HDAC9: variants seen among roughly 807,000 people sequenced by gnomAD.
HDAC9 encodes histone deacetylase 9, also known as MEF-2 interacting transcription repressor (MITR) protein.
HDAC9 carries 41 observed loss-of-function variants against 139.4 expected under a neutral mutation model. The ratio of observed to expected loss-of-function variants is 0.29; its 90% CI spans 0.23 to 0.38. The LOEUF (loss-of-function observed/expected upper bound fraction) is 0.38, where lower values mean the gene tolerates loss of function less well. Ranked by LOEUF, HDAC9 falls within the 10% of genes least tolerant of loss-of-function variation. HDAC9 has a pLI of 1.00. For missense variants in HDAC9, 1,147 were observed against 1,297.0 expected (o/e 0.88, Z 1.78); for synonymous variants, 517 against 476.2 (o/e 1.09, Z -1.12).
chr7:18,404,766 A>G (rs1202089941), intron 1 of HDAC9, among the ~76,000 whole-genome samples: 5 of 152,240 alleles, frequency 3.3e-5, no homozygotes, highest in Non-Finnish European at 5.9e-5. Context: ...GGTCACAAAA[A>G]TCACCAAACT....
chr7:18,428,140 G>A (rs1377795483), intron 1 of HDAC9, among the ~76,000 whole-genome samples: 2 of 152,102 alleles, frequency 1.3e-5, no homozygotes, highest in Non-Finnish European at 2.9e-5. Flanking sequence ...ATCTGTCAGT[G>A]TACATTTATA....
chr7:18,331,809 C>T (rs1481953618), intron 1 of HDAC9, among the ~76,000 whole-genome samples: 1 of 151,522 alleles, frequency 6.6e-6, no homozygotes, highest in African/African-American at 2.4e-5. Context: ...TATATCATAG[C>T]ATTTTTGTCT....
intron 2 of HDAC9, among the ~76,000 whole-genome samples, chr7:18,272,424 C>T (rs182727083): frequency 1.3e-5 from 2 of 152,150 alleles, no homozygotes; most frequent in Admixed American, 6.5e-5. Context: ...TTTTTTTCTA[C>T]AATAAATATT....
At chr7:18,775,152 T>A (rs1343362545) in intron 16 of HDAC9, among the ~76,000 whole-genome samples, 1 of 152,028 alleles carries the variant, frequency 6.6e-6, no homozygotes, top group East Asian at 1.9e-4. Flanking sequence ...GCACGATTCA[T>A]GGTGCCCCAA....
chr7:18,860,797 A>G (rs1798046227), intron 21 of HDAC9, among the ~76,000 whole-genome samples: 1 of 152,192 alleles, frequency 6.6e-6, no homozygotes, highest in Non-Finnish European at 1.5e-5. Context: ...ACTATAAGGA[A>G]GGGTGTATTT....
chr7:18,179,152 G>T (rs1338833431), intron 2 of HDAC9, among the ~76,000 whole-genome samples: 1 of 152,228 alleles, frequency 6.6e-6, no homozygotes, highest in Non-Finnish European at 1.5e-5. Flanking sequence ...AGCAAGCACT[G>T]CATGTCTTTC....
intron 2 of HDAC9, among the ~76,000 whole-genome samples, chr7:18,262,974 TAAC>T (rs922492760): frequency 1.3e-5 from 2 of 151,998 alleles, no homozygotes; most frequent in Non-Finnish European, 1.5e-5. Flanking sequence ...AGAAAACAAA[TAAC>T]AAAATGGTAG....
intron 2 of HDAC9, among the ~76,000 whole-genome samples, chr7:18,552,522 C>A (rs1817488906): frequency 6.6e-6 from 1 of 152,026 alleles, no homozygotes; most frequent in African/African-American, 2.4e-5. Flanking sequence ...TTTGCAGTGA[C>A]TGTTCCAAAC....
At chr7:18,811,658 C>T (rs1218405317) in intron 17 of HDAC9, among the ~76,000 whole-genome samples, 2 of 151,610 alleles carry the variant, frequency 1.3e-5, no homozygotes, top group Non-Finnish European at 3.0e-5. Flanking sequence ...TTTATCTCTT[C>T]CTACAGTTTG....
At chr7:18,396,642 A>C (rs1193256180) in intron 1 of HDAC9, among the ~76,000 whole-genome samples, 2 of 152,156 alleles carry the variant, frequency 1.3e-5, no homozygotes, top group Non-Finnish European at 2.9e-5. Flanking sequence ...TGTCACTGTT[A>C]AGAGACAATG....
In HDAC9 at chr7:18,952,400, C is replaced by T. The variant is rs565307008; in HGVS notation, c.2938-1746C>T. 3.3e-5 allele frequency among the ~76,000 whole-genome samples: 5 copies of T among 152,034 alleles called. No homozygotes were observed. In the South Asian group the frequency reaches 1.0e-3, roughly 32 times the overall value. ...TAGCTTTCTTTCCAGGAGCCAGCAC[C>T]TTTCAGTTTGTCAGGATTTTTACCC... On this transcript the variant is annotated intron_variant, in intron 23 of 25. Transcript: ENST00000686413.
chr7:18,337,733 G>A lies in HDAC9; in HGVS notation c.-42+47218G>A, dbSNP rs573102228. ...TTATTGAATGTATTTGAAGTGGCCC[G>A]CTTAGGAAATGATTGGGCATGTGCC... is the stretch of plus-strand genomic sequence containing the variant. On this transcript the variant is annotated intron_variant, in intron 1 of 3. Transcript: ENST00000413509. Among the ~76,000 whole-genome samples the A allele has an allele frequency of 5.6e-4, 85 of 151,840 alleles. 1 individual carries two copies. The highest frequency in any genetic ancestry group is 1.1e-3 in the Non-Finnish European group (74 of 67,814).
intron 2 of HDAC9, among the ~76,000 whole-genome samples, chr7:18,257,438 A>ACACACACACACACACAC (rs1562802142): frequency 2.6e-4 from 34 of 132,580 alleles, no homozygotes; most frequent in African/African-American, 9.5e-4. Flanking sequence ...CACACACACA[A>ACACACACACACACACAC]AAAGAAAAAA....
At chr7:18,661,723 A>G (rs1584734990) in intron 11 of HDAC9, among the ~76,000 whole-genome samples, 1 of 152,178 alleles carries the variant, frequency 6.6e-6, no homozygotes, top group African/African-American at 2.4e-5. Context: ...TTTACAAACC[A>G]TGAAGGAATT....
rs144580939 is a variant in HDAC9 at position 18,307,836 on chromosome 7, C to T, written c.-42+17321C>T. 3.4e-3 allele frequency among the ~76,000 whole-genome samples: 524 copies of T among 151,990 alleles called. 3 individuals are homozygous for T. Among genetic ancestry groups the T allele is most frequent in the African/African-American group, 0.012 (503 of 41,422 alleles). ...TTTAAATTGTAAAATTGAAAAAAATCGTAATTATTATTAAAGTCATAGTAA... is the reference window on the plus strand; with the variant it reads ...TTTAAATTGTAAAATTGAAAAAAATTGTAATTATTATTAAAGTCATAGTAA... On this transcript the variant is annotated intron_variant, in intron 1 of 3. Transcript: ENST00000413509.
intron 2 of HDAC9, among the ~76,000 whole-genome samples, chr7:18,262,341 A>C (rs1167800336): frequency 1.3e-5 from 2 of 152,202 alleles, no homozygotes; most frequent in Non-Finnish European, 2.9e-5. Flanking sequence ...TGACATATTC[A>C]AAGTGATGAA....
At chr7:18,748,569 A>T (rs531619681) in intron 13 of HDAC9, among the ~76,000 whole-genome samples, 1 of 152,204 alleles carries the variant, frequency 6.6e-6, no homozygotes, top group East Asian at 1.9e-4. Context: ...AAGTCAGGCT[A>T]GAATGACTCA....
At chr7:18,830,734 A>G (rs1160196142) in intron 19 of HDAC9, among the ~76,000 whole-genome samples, 1 of 152,212 alleles carries the variant, frequency 6.6e-6, no homozygotes, top group Admixed American at 6.5e-5. Context: ...TTTGGAGAGA[A>G]GAGTATTGAA....
At chr7:18,773,299 T>C (rs191069038) in intron 16 of HDAC9, among the ~76,000 whole-genome samples, 2 of 151,890 alleles carry the variant, frequency 1.3e-5, no homozygotes, top group East Asian at 3.9e-4. Flanking sequence ...AATGCCATCA[T>C]CAAAGCTTTA....
Sources: gnomAD v4.1 joint callset for allele counts (sites outside exome capture counted in the v4.1 genomes callset) on GRCh38, gnomAD v4.1.1 for gene constraint, MANE v1.5 for transcripts, NCBI Gene and HGNC (gene_info 2026-07-23, HGNC 2026-07-21) for gene names.